The following MORC4 variants were observed in gnomAD, a reference collection of about 807,000 sequenced individuals.
The protein encoded by MORC4 is MORC family CW-type zinc finger protein 4.
Under a neutral mutation model 65.5 loss-of-function variants are expected in MORC4, and 22 were observed. The ratio of observed to expected loss-of-function variants is 0.34; its 90% CI spans 0.24 to 0.48. MORC4 has a LOEUF of 0.48. MORC4 is among the 20% of genes least tolerant of loss of function. The probability of loss-of-function intolerance (pLI) is 0.99; values close to 1 mark genes in which losing one functional copy is unlikely to be tolerated. For synonymous variants in MORC4, 267 were observed against 255.8 expected, an observed-to-expected ratio of 1.04 and a Z score of -0.42; for missense variants, 624 against 703.0, an observed-to-expected ratio of 0.89 and a Z score of 1.27.
At chrX:106,976,966 T>G (rs1469397997) in intron 8 of MORC4, among the ~76,000 whole-genome samples, 1 of 111,284 alleles carries the variant, frequency 9.0e-6, no homozygotes, top group South Asian at 3.8e-4. Context: ...CCACACTACC[T>G]CCACTTTTAT....
intron 10 of MORC4, among the ~76,000 whole-genome samples, chrX:106,961,439 T>C (rs959633201): frequency 1.7e-4 from 19 of 112,056 alleles, no homozygotes; most frequent in African/African-American, 5.5e-4. Context: ...TACCTGTGAG[T>C]TCCTATTTTT....
intron 3 of MORC4, among the ~76,000 whole-genome samples, chrX:106,990,524 C>T (rs986440813): frequency 1.2e-4 from 13 of 112,315 alleles, no homozygotes; most frequent in African/African-American, 4.2e-4. Context: ...TTTGGAAGTG[C>T]TAGAATTATA....
intron 3 of MORC4, among the ~76,000 whole-genome samples, chrX:106,992,908 A>G (rs1270047421): frequency 8.9e-6 from 1 of 112,222 alleles, no homozygotes; most frequent in Non-Finnish European, 1.9e-5. Context: ...CAGCTTAAAT[A>G]TCATTTTGTC....
intron 14 of MORC4, among the ~76,000 whole-genome samples, chrX:106,944,786 C>T (rs1486081430): frequency 9.0e-6 from 1 of 111,603 alleles, no homozygotes; most frequent in African/African-American, 3.3e-5. Flanking sequence ...CAGCACCAAA[C>T]TGTCACTAAT....
At chrX:106,978,584 A>T (rs1410143199) in intron 7 of MORC4, among the ~76,000 whole-genome samples, 2 of 110,259 alleles carry the variant, frequency 1.8e-5, no homozygotes, top group Admixed American at 9.7e-5. Flanking sequence ...GAATATCAGG[A>T]AACGCTCAGA....
chrX:106,988,492 T>C (rs2147824980), intron 3 of MORC4, among the ~76,000 whole-genome samples: 1 of 111,699 alleles, frequency 9.0e-6, no homozygotes, highest in South Asian at 3.8e-4. Flanking sequence ...ATTTTTGTTG[T>C]TGTTACTGTG....
intron 9 of MORC4, among the ~76,000 whole-genome samples, chrX:106,962,581 A>G (rs952018229): frequency 8.9e-6 from 1 of 111,842 alleles, no homozygotes; most frequent in African/African-American, 3.3e-5. Flanking sequence ...TCAATCAAAT[A>G]TTAACTCTAA....
intron 9 of MORC4, among the ~76,000 whole-genome samples, chrX:106,963,632 T>C (rs1934304385): frequency 8.9e-6 from 1 of 111,876 alleles, no homozygotes; most frequent in African/African-American, 3.3e-5. Context: ...ACTCCTCCAG[T>C]TGAAGTGACA....
intron 14 of MORC4, among the ~76,000 whole-genome samples, chrX:106,945,734 C>A (rs1024284198): frequency 9.0e-6 from 1 of 111,214 alleles, no homozygotes; most frequent in Admixed American, 9.6e-5. Context: ...ACTAGAAATT[C>A]TCCAACTACA....
Position 106,941,393 on chromosome X carries a change from A to C in MORC4, c.*86T>G. On this transcript the variant is annotated 3_prime_UTR_variant, in exon 17 of 17. Coordinates refer to ENST00000355610, the MANE Select transcript of MORC4 (RefSeq NM_024657.5). Reference sequence around the variant, plus strand: ...GGGTGAGAGAGAGAGAGAGAGAGAGAGAGAGAGAGAGAGAGAGACGTGAGG... The same window carrying C: ...GGGTGAGAGAGAGAGAGAGAGAGAGCGAGAGAGAGAGAGAGAGACGTGAGG... The C allele has an allele frequency of 1.4e-6, 1 of 727,871 alleles. No individual in the cohort carries two copies. Among genetic ancestry groups the C allele is most frequent in the Admixed American group, 3.3e-5 (1 of 30,044 alleles). 60.0% of individuals were successfully genotyped at this position (727,871 alleles called of 1,213,427 possible).
chrX:106,998,833 T>G (rs149508122), intron 2 of MORC4, among the ~76,000 whole-genome samples: 1 of 112,684 alleles, frequency 8.9e-6, no homozygotes, highest in African/African-American at 3.2e-5. Flanking sequence ...CCACAGCGAC[T>G]GCTTAAGTAG....
chrX:106,962,069 C>T lies in MORC4; in HGVS notation c.1199G>A (p.Trp400Ter). The T allele has an allele frequency of 8.3e-7, 1 of 1,209,980 alleles. No homozygotes were observed. Among genetic ancestry groups the T allele is most frequent in the Non-Finnish European group, 1.1e-6 (1 of 894,155 alleles). The change falls in exon 10 of 17, where the codon TGG (tryptophan) becomes TAG (stop). Residue 400 changes from tryptophan (W) to a stop codon, truncating the protein, a stop_gained. Transcript: ENST00000355610. LOFTEE classifies it high-confidence loss of function. ...ATTATCTTGAGATGTTTTTTCCTTC[C>T]AGTAAGCATTGAGCTTCTGGGCAAG... ...NALAQKLNAY[W>*]KEKTSQDNFE...
chrX:106,962,229 C>T (rs946417663), intron 9 of MORC4, 119 bp from the exon 10 acceptor site: 45 of 508,637 alleles, frequency 8.8e-5, no homozygotes, highest in Non-Finnish European at 8.0e-5. Context: ...TATTTTTGAA[C>T]ATCTACACTT....
At chrX:106,982,138 C>T (rs940843146) in intron 5 of MORC4, among the ~76,000 whole-genome samples, 36 of 111,607 alleles carry the variant, frequency 3.2e-4, no homozygotes, top group Non-Finnish European at 2.8e-4. Flanking sequence ...AGGGAAAAAA[C>T]GTTAAGACCC....
intron 11 of MORC4, among the ~76,000 whole-genome samples, chrX:106,958,069 C>T (rs1216908264): frequency 1.8e-5 from 2 of 111,917 alleles, no homozygotes; most frequent in African/African-American, 6.5e-5. Flanking sequence ...AAAGTCATTG[C>T]AAGCAAGAGG....
intron 9 of MORC4, among the ~76,000 whole-genome samples, chrX:106,962,736 A>G (rs1366280170): frequency 9.0e-6 from 1 of 111,724 alleles, no homozygotes; most frequent in Non-Finnish European, 1.9e-5. Flanking sequence ...TCTCTCCCTA[A>G]AGGAACAACA....
intron 7 of MORC4, 53 bp downstream of exon 7, chrX:106,980,833 AAACTT>A: frequency 8.9e-7 from 1 of 1,122,372 alleles, no homozygotes; most frequent in Non-Finnish European, 1.2e-6. Flanking sequence ...GTCAACCTGA[AAACTT>A]AATCCTGAAA....
At chrX:106,993,473 G>T in intron 2 of MORC4, 111 bp from the exon 3 acceptor site, 1 of 799,653 alleles carries the variant, frequency 1.3e-6, no homozygotes, top group Non-Finnish European at 1.8e-6. Context: ...CCTTCATTTG[G>T]ATGTTTGAGA....
chrX:106,985,022 T>G (rs1934839693), intron 5 of MORC4, 74 bp downstream of exon 5: 2 of 948,441 alleles, frequency 2.1e-6, no homozygotes, highest in Non-Finnish European at 2.8e-6. Flanking sequence ...ATTTTAAAAG[T>G]TAAAATTAAA....
Sources: allele counts gnomAD v4.1 joint callset (sites outside exome capture counted in the v4.1 genomes callset), GRCh38; gene constraint gnomAD v4.1.1; transcripts MANE v1.5; gene names NCBI Gene and HGNC (gene_info 2026-07-23, HGNC 2026-07-21).